Variants in USP14 observed in about 807,000 individuals in gnomAD.
USP14 encodes the protein ubiquitin specific peptidase 14.
A neutral mutation model predicts 76.5 loss-of-function variants in USP14; 38 were observed. That is an observed-to-expected ratio of 0.50 (90% CI 0.38 to 0.65). The LOEUF is 0.65. Ranked by LOEUF, USP14 falls within the 30% of genes least tolerant of loss-of-function variation. The pLI, the probability that USP14 is intolerant of heterozygous loss-of-function variation, is 0.00. For synonymous variants in USP14, 192 were observed against 191.7 expected (o/e 1.00, Z -0.01); for missense variants, 467 against 586.5 (o/e 0.80, Z 2.10).
At chr18:169,645 C>T (rs1323715312) in intron 3 of USP14, among the ~76,000 whole-genome samples, 2 of 152,148 alleles carry the variant, frequency 1.3e-5, no homozygotes, top group East Asian at 3.9e-4. Flanking sequence ...TAAAGGCACA[C>T]CTCATTTTAT....
chr18:212,667 ATAG>A lies in USP14; in HGVS notation c.*1387_*1389del, dbSNP rs1300659613. ...TCAGAATTTTAGTGATTTTAAAGTG[ATAG>A]TAGAAAATACCAAGCATATGAGGTA... is the stretch of plus-strand genomic sequence containing the variant. On this transcript the variant is annotated 3_prime_UTR_variant, in exon 16 of 16. Transcript: ENST00000261601. 1 of 152,128 alleles carries A rather than the reference ATAG, an allele frequency of 6.6e-6. No individual in the cohort carries two copies. The highest frequency in any genetic ancestry group is 2.4e-5 in the African/African-American group (1 of 41,450). The allele number at this position is 152,128 out of a possible 1,614,324, so 9.4% of individuals were successfully genotyped here.
chr18:196,292 G>A lies in USP14; in HGVS notation c.464-345G>A, dbSNP rs190779680. On this transcript the variant is annotated intron_variant, in intron 6 of 15. Transcript: ENST00000261601. The stretch of plus-strand genomic sequence containing the variant: ...GCTGGGGTTACAGGCTGAAGTGAGC[G>A]GATCATGAGGTCAGGAGTTGGAGAC... Among the ~76,000 whole-genome samples, 72 of 151,756 alleles carry A rather than the reference G, an allele frequency of 4.7e-4. 1 individual carries two copies. In the East Asian group the frequency reaches 0.011, roughly 22 times the overall value.
intron 1 of USP14, 36 bp downstream of exon 1, chr18:158,750 G>T: frequency 6.8e-7 from 1 of 1,473,636 alleles, no homozygotes. Context: ...CAGCACACCG[G>T]ACCGGCGCTA....
intron 6 of USP14, 25 bp downstream of exon 6, chr18:192,925 T>A (rs766733597): frequency 6.3e-7 from 1 of 1,595,988 alleles, no homozygotes; most frequent in South Asian, 1.1e-5. Context: ...TATACTACTT[T>A]TTGATAGGAG....
intron 6 of USP14, 128 bp from the exon 7 acceptor site, chr18:196,509 C>A: frequency 1.9e-6 from 2 of 1,053,222 alleles, no homozygotes; most frequent in Non-Finnish European, 2.6e-6. Flanking sequence ...GGGCAACGGA[C>A]CAAGACTCCA....
At chr18:172,591 C>G (rs1357230253) in intron 3 of USP14, among the ~76,000 whole-genome samples, 3 of 152,106 alleles carry the variant, frequency 2.0e-5, no homozygotes, top group Non-Finnish European at 4.4e-5. Flanking sequence ...ATTGTTGTCT[C>G]ATTTTAAGCA....
intron 6 of USP14, among the ~76,000 whole-genome samples, chr18:194,857 G>A (rs915139733): frequency 1.3e-5 from 2 of 152,116 alleles, no homozygotes; most frequent in Non-Finnish European, 2.9e-5. Flanking sequence ...CTTGAACCTG[G>A]GAGGCAGAGG....
intron 9 of USP14, among the ~76,000 whole-genome samples, chr18:198,670 AT>A (rs1910306621): frequency 6.6e-6 from 1 of 152,196 alleles, no homozygotes; most frequent in African/African-American, 2.4e-5. Context: ...GATATTTATT[AT>A]TTTTTCCTAA....
intron 2 of USP14, 105 bp from the exon 3 acceptor site, chr18:166,682 G>A (rs564400806): frequency 1.5e-6 from 2 of 1,344,632 alleles, no homozygotes; most frequent in East Asian, 2.4e-5. Context: ...CTGCATATAG[G>A]ATAAATTTTA....
chr18:200,873 C>T (rs753045889), intron 10 of USP14, among the ~76,000 whole-genome samples: 6 of 152,156 alleles, frequency 3.9e-5, no homozygotes, highest in Non-Finnish European at 7.4e-5. Context: ...ACAATCTCGG[C>T]TCACTGCAAC....
chr18:171,040 A>G (rs1598265235), intron 3 of USP14, among the ~76,000 whole-genome samples: 1 of 138,486 alleles, frequency 7.2e-6, no homozygotes. Context: ...ATATATATAT[A>G]TATATATATA....
rs1910731260 is a variant in USP14 at position 213,372 on chromosome 18, T to TTTTA, written c.*2092_*2095dup. ...ATCATCATTATAAAAAGCTTGATTTTTTTATTTGATCTAAAAAAGCATTAT... is the reference window on the plus strand; with the variant it reads ...ATCATCATTATAAAAAGCTTGATTTTTTTATTTATTTGATCTAAAAAAGCATTAT... On this transcript the variant is annotated 3_prime_UTR_variant, in exon 16 of 16. Transcript: ENST00000261601. The TTTTA allele has an allele frequency of 6.6e-6, 1 of 152,332 alleles. No individual in the cohort carries two copies. Among genetic ancestry groups the TTTTA allele is most frequent in the African/African-American group, 2.4e-5 (1 of 41,582 alleles). 9.4% of individuals were successfully genotyped at this position (152,332 alleles called of 1,614,324 possible). A position where few individuals can be genotyped will look rare whatever the true frequency, so the allele number is the denominator to read the frequency against.
chr18:193,819 T>C (rs1014551006), intron 6 of USP14, among the ~76,000 whole-genome samples: 4 of 152,236 alleles, frequency 2.6e-5, no homozygotes, highest in Non-Finnish European at 5.9e-5. Flanking sequence ...AAGCCACATA[T>C]CATTTATCCA....
intron 10 of USP14, among the ~76,000 whole-genome samples, chr18:202,136 T>C (rs1910399965): frequency 6.6e-6 from 1 of 152,250 alleles, no homozygotes; most frequent in Non-Finnish European, 1.5e-5. Context: ...AGCACATAAG[T>C]AGTGCTAATT....
intron 3 of USP14, among the ~76,000 whole-genome samples, chr18:178,631 CTTT>C (rs1192960013): frequency 6.6e-6 from 1 of 152,088 alleles, no homozygotes; most frequent in African/African-American, 2.4e-5. Flanking sequence ...CACCCCAGTG[CTTT>C]TTACTTGTTT....
At chr18:173,320 C>A (rs1229226662) in intron 3 of USP14, among the ~76,000 whole-genome samples, 1 of 151,502 alleles carries the variant, frequency 6.6e-6, no homozygotes, top group Admixed American at 6.6e-5. Flanking sequence ...ACCATGTTAG[C>A]CAGGATGGTC....
chr18:192,511 G>A (rs1706502623), intron 5 of USP14, among the ~76,000 whole-genome samples: 1 of 152,170 alleles, frequency 6.6e-6, no homozygotes, highest in African/African-American at 2.4e-5. Context: ...GTTGCAGTGA[G>A]TCAAGATCAT....
At chr18:209,216 C>A (rs913781006) in intron 13 of USP14, among the ~76,000 whole-genome samples, 3 of 150,186 alleles carry the variant, frequency 2.0e-5, no homozygotes, top group African/African-American at 7.4e-5. Context: ...ATAGTTTTTT[C>A]AGTGATTGCT....
chr18:205,332 A>C (rs903105055), intron 13 of USP14, among the ~76,000 whole-genome samples: 16 of 152,188 alleles, frequency 1.1e-4, no homozygotes, highest in African/African-American at 3.9e-4. Context: ...AACCTTACCT[A>C]GTGTTGACCT....
Sources: gnomAD v4.1 joint callset for allele counts (sites outside exome capture counted in the v4.1 genomes callset) on GRCh38, gnomAD v4.1.1 for gene constraint, MANE v1.5 for transcripts, NCBI Gene and HGNC (gene_info 2026-07-23, HGNC 2026-07-21) for gene names.